The following IL1RAPL1 variants were observed in gnomAD, a reference collection of about 807,000 sequenced individuals.
The protein encoded by IL1RAPL1 is interleukin-1 receptor accessory protein-like 1.
A neutral mutation model predicts 48.4 loss-of-function variants in IL1RAPL1; 3 were observed. The ratio of observed to expected loss-of-function variants is 0.06; its 90% confidence interval spans 0.03 to 0.16. The LOEUF is 0.16. Ranked by LOEUF, IL1RAPL1 falls within the 10% of genes least tolerant of loss-of-function variation. The pLI is 1.00. For synonymous variants in IL1RAPL1, 185 were observed against 187.7 expected (o/e 0.99, Z 0.12); for missense variants, 349 against 530.6 (o/e 0.66, Z 3.36).
rs770108512 is a variant in IL1RAPL1, at chrX:29,058,205, C to T, written c.83-224733C>T. Among the ~76,000 whole-genome samples the T allele has an allele frequency of 1.3e-4, 14 of 110,172 alleles. No homozygotes were observed. In the South Asian group the frequency reaches 5.1e-3, roughly 40 times the overall value. ...CCTGGCCTACATGGTGAAACCCCCC[C>T]GTCTCTACCAAAAATACAAAAATTA... On this transcript the variant is annotated intron_variant, in intron 2 of 10. Transcript: ENST00000378993.
intron 1 of IL1RAPL1, among the ~76,000 whole-genome samples, chrX:28,721,654 C>T (rs1935582732): frequency 9.0e-6 from 1 of 111,235 alleles, no homozygotes; most frequent in Admixed American, 9.6e-5. Flanking sequence ...GTGTTTTAGA[C>T]ATGAAGTCCT....
chrX:28,916,845 G>C (rs757849927), intron 2 of IL1RAPL1, among the ~76,000 whole-genome samples: 1 of 112,235 alleles, frequency 8.9e-6, no homozygotes, highest in South Asian at 3.6e-4. Flanking sequence ...TCTGTGTGCT[G>C]CTCTGTTTTT....
chrX:29,445,852 G>GAT (rs1437723760), intron 5 of IL1RAPL1, among the ~76,000 whole-genome samples: 2 of 112,030 alleles, frequency 1.8e-5, no homozygotes, highest in East Asian at 2.8e-4. Context: ...AGTTGAACAG[G>GAT]ATAAACACTC....
chrX:29,825,905 G>C (rs1227673009), intron 6 of IL1RAPL1, among the ~76,000 whole-genome samples: 1 of 110,968 alleles, frequency 9.0e-6, no homozygotes, highest in Non-Finnish European at 1.9e-5. Flanking sequence ...GCTGAATGTA[G>C]TTCGCCGACT....
intron 6 of IL1RAPL1, among the ~76,000 whole-genome samples, chrX:29,770,987 A>G (rs1929052425): frequency 8.9e-6 from 1 of 112,063 alleles, no homozygotes; most frequent in African/African-American, 3.2e-5. Flanking sequence ...CCATAGTTCA[A>G]GCAAATTGTT....
At chrX:29,201,884 G>A (rs1413269924) in intron 2 of IL1RAPL1, among the ~76,000 whole-genome samples, 3 of 111,316 alleles carry the variant, frequency 2.7e-5, no homozygotes, top group Non-Finnish European at 5.7e-5. Flanking sequence ...TAGTAGAGAC[G>A]GGATTTCTCC....
At chrX:29,804,637 G>A (rs906605009) in intron 6 of IL1RAPL1, among the ~76,000 whole-genome samples, 2 of 112,073 alleles carry the variant, frequency 1.8e-5, no homozygotes, top group African/African-American at 6.5e-5. Context: ...GGCCTCCTCA[G>A]CCATGTGGAA....
intron 6 of IL1RAPL1, among the ~76,000 whole-genome samples, chrX:29,890,552 A>C (rs1932256687): frequency 8.9e-6 from 1 of 112,158 alleles, no homozygotes; most frequent in Non-Finnish European, 1.9e-5. Flanking sequence ...TGCCCAAGGA[A>C]AAAGATGATG....
At chrX:28,598,921 C>A (rs1291791538) in intron 1 of IL1RAPL1, among the ~76,000 whole-genome samples, 1 of 108,602 alleles carries the variant, frequency 9.2e-6, no homozygotes, top group Non-Finnish European at 1.9e-5. Flanking sequence ...AGCCACCGCA[C>A]CCAGCCGAGA....
intron 2 of IL1RAPL1, among the ~76,000 whole-genome samples, chrX:29,156,826 G>A (rs1223255498): frequency 4.0e-5 from 4 of 100,868 alleles, no homozygotes; most frequent in Admixed American, 2.3e-4. Flanking sequence ...GACATACCAC[G>A]TTTATCTGTC....
intron 2 of IL1RAPL1, among the ~76,000 whole-genome samples, chrX:28,912,919 A>G (rs1459086243): frequency 8.9e-6 from 1 of 111,867 alleles, no homozygotes; most frequent in African/African-American, 3.2e-5. Flanking sequence ...GAGTGTTTCC[A>G]TTAAAAAGGT....
At position 29,157,928 on chromosome X, in the gene IL1RAPL1, C is replaced by T. The variant is rs757492123; in HGVS notation, c.83-125010C>T. On this transcript the variant is annotated intron_variant, in intron 2 of 10. Transcript: ENST00000378993. ...ATATGAAGAGTTTAAAGAAAGTCAA[C>T]GGGGTAATGTGTTCAGTTTCTTTTT... Among the ~76,000 whole-genome samples, 8 of 111,330 alleles carry T rather than the reference C, an allele frequency of 7.2e-5. No individual in the cohort carries two copies. In the East Asian group the frequency reaches 8.4e-4, roughly 12 times the overall value.
At chrX:29,422,485 T>G (rs938297411) in intron 5 of IL1RAPL1, among the ~76,000 whole-genome samples, 1 of 111,705 alleles carries the variant, frequency 9.0e-6, no homozygotes, top group African/African-American at 3.3e-5. Flanking sequence ...AGTAAAGTGT[T>G]TAAAAGTTTA....
chrX:29,548,523 C>T (rs2147786553), intron 5 of IL1RAPL1, among the ~76,000 whole-genome samples: 1 of 111,937 alleles, frequency 8.9e-6, no homozygotes, highest in Non-Finnish European at 1.9e-5. Context: ...CAATATGCCA[C>T]ACTAATATAT....
intron 2 of IL1RAPL1, among the ~76,000 whole-genome samples, chrX:29,265,515 C>T (rs985896070): frequency 9.4e-6 from 1 of 106,324 alleles, no homozygotes; most frequent in African/African-American, 3.4e-5. Flanking sequence ...TACATGTGCA[C>T]AATGTGCAGG....
At position 28,774,174 on chromosome X, in the gene IL1RAPL1, G is replaced by A. The variant is rs996129452; in HGVS notation, c.-24-15146G>A. On this transcript the variant is annotated intron_variant, in intron 1 of 10. Coordinates refer to ENST00000378993, the MANE Select transcript of IL1RAPL1 (RefSeq NM_014271.4). ...CCCTTATATTTTTCCCTCTTTAGAT[G>A]ACTGCATTGAGTTTTTTGGCTTTAA... 4.5e-5 allele frequency among the ~76,000 whole-genome samples: 5 copies of A among 111,431 alleles called. No homozygotes were observed. The Admixed American group carries it at 4.8e-4, about 11-fold the overall frequency.
chrX:29,739,471 A>T (rs1211587278), intron 6 of IL1RAPL1, among the ~76,000 whole-genome samples: 1 of 111,008 alleles, frequency 9.0e-6, no homozygotes, highest in Non-Finnish European at 1.9e-5. Context: ...CAGGGTCATA[A>T]CTCTCTCTCT....
At chrX:29,915,714 CTTTTTTTT>C (rs201364121) in intron 6 of IL1RAPL1, among the ~76,000 whole-genome samples, 226 of 54,303 alleles carry the variant, frequency 4.2e-3, no homozygotes, top group Middle Eastern at 0.012. Context: ...TGGTAATATT[CTTTTTTTT>C]TTTTTTTTTT....
At chrX:28,795,653 T>G (rs1249173897) in intron 2 of IL1RAPL1, among the ~76,000 whole-genome samples, 4 of 111,271 alleles carry the variant, frequency 3.6e-5, no homozygotes, top group African/African-American at 1.3e-4. Flanking sequence ...TTATTATTAG[T>G]TGTATTAGTA....
Sources: gnomAD v4.1 joint callset for allele counts (sites outside exome capture counted in the v4.1 genomes callset) on GRCh38, gnomAD v4.1.1 for gene constraint, MANE v1.5 for transcripts, NCBI Gene and HGNC (gene_info 2026-07-23, HGNC 2026-07-21) for gene names.